Variants in EPHA6 observed in about 807,000 individuals in gnomAD.
The protein encoded by EPHA6 is EPH receptor A6.
EPHA6 carries 50 observed loss-of-function variants against 112.0 expected under a neutral mutation model. The ratio of observed to expected loss-of-function variants is 0.45; its 90% CI spans 0.36 to 0.56. EPHA6 has a LOEUF of 0.56. Among genes scored for constraint, EPHA6 ranks in the 20% least tolerant of loss-of-function variants. EPHA6 has a pLI of 0.00. For synonymous variants in EPHA6, 529 were observed against 490.7 expected (o/e 1.08, Z -1.03); for missense variants, 1,280 against 1,417.4 (o/e 0.90, Z 1.56).
intron 7 of EPHA6, among the ~76,000 whole-genome samples, chr3:97,460,961 C>A (rs1300955354): frequency 3.3e-5 from 5 of 152,114 alleles, no homozygotes; most frequent in South Asian, 4.1e-4. Flanking sequence ...AAGAGATATT[C>A]TGGTGCAGAG....
chr3:97,525,014 G>C (rs1209451273), intron 10 of EPHA6, among the ~76,000 whole-genome samples: 1 of 152,062 alleles, frequency 6.6e-6, no homozygotes, highest in East Asian at 1.9e-4. Context: ...GGTCCTTTGA[G>C]GTTCCTGAAT....
chr3:97,502,121 A>T (rs1398057044), intron 10 of EPHA6, among the ~76,000 whole-genome samples: 1 of 150,152 alleles, frequency 6.7e-6, no homozygotes, highest in African/African-American at 2.5e-5. Context: ...GCATGATAAC[A>T]TTGAGGCTGT....
At chr3:97,168,072 A>G (rs1260984301) in intron 3 of EPHA6, among the ~76,000 whole-genome samples, 1 of 152,168 alleles carries the variant, frequency 6.6e-6, no homozygotes, top group African/African-American at 2.4e-5. Context: ...AAGAAAGTAA[A>G]GATTATTAAT....
chr3:97,034,376 T>C lies in EPHA6; in HGVS notation c.1114+46383T>C, dbSNP rs16837839. ...GGGGAGAGTTTTACAATCTTTGCAATTATCAGTGCCATGGCTGTACATGAT... is the reference window on the plus strand; with the variant it reads ...GGGGAGAGTTTTACAATCTTTGCAACTATCAGTGCCATGGCTGTACATGAT... On this transcript the variant is annotated intron_variant, in intron 3 of 17. Coordinates refer to ENST00000389672, the MANE Select transcript of EPHA6 (RefSeq NM_001080448.3). Among the ~76,000 whole-genome samples, 993 of 151,994 alleles carry C rather than the reference T, an allele frequency of 6.5e-3. 5 individuals carry two copies. Among genetic ancestry groups the C allele is most frequent in the Admixed American group, 9.9e-3 (150 of 15,220 alleles).
At chr3:97,170,359 G>C (rs951737681) in intron 3 of EPHA6, among the ~76,000 whole-genome samples, 2 of 152,044 alleles carry the variant, frequency 1.3e-5, no homozygotes, top group Admixed American at 1.3e-4. Flanking sequence ...TTAATACCTG[G>C]GGCGTAATCT....
At chr3:96,924,797 G>A (rs2039950192) in intron 2 of EPHA6, among the ~76,000 whole-genome samples, 1 of 151,932 alleles carries the variant, frequency 6.6e-6, no homozygotes. Context: ...CTTATTATTT[G>A]CAATATGTTC....
chr3:96,963,467 G>C (rs1307465565), intron 2 of EPHA6, among the ~76,000 whole-genome samples: 1 of 152,030 alleles, frequency 6.6e-6, no homozygotes, highest in Non-Finnish European at 1.5e-5. Flanking sequence ...TTGTTACTGG[G>C]TCAACTGTCA....
At chr3:96,886,147 T>C (rs2037606575) in intron 2 of EPHA6, among the ~76,000 whole-genome samples, 1 of 152,222 alleles carries the variant, frequency 6.6e-6, no homozygotes, top group South Asian at 2.1e-4. Flanking sequence ...ATGTGTATTC[T>C]TCAGCTGTTG....
At chr3:97,487,496 C>T (rs765624913) in intron 10 of EPHA6, among the ~76,000 whole-genome samples, 9 of 152,184 alleles carry the variant, frequency 5.9e-5, no homozygotes, top group Non-Finnish European at 1.3e-4. Context: ...TCACTATGCT[C>T]ATTAGAGATA....
chr3:96,938,477 G>C (rs887261469), intron 2 of EPHA6, among the ~76,000 whole-genome samples: 1 of 152,148 alleles, frequency 6.6e-6, no homozygotes, highest in Non-Finnish European at 1.5e-5. Context: ...AGACTTTGCT[G>C]ATGTTGCTTG....
chr3:96,920,723 AT>A (rs1461837866), intron 2 of EPHA6, among the ~76,000 whole-genome samples: 2 of 151,968 alleles, frequency 1.3e-5, no homozygotes, highest in African/African-American at 4.8e-5. Flanking sequence ...GTCAATCGGT[AT>A]ATTTGTGTGT....
Position 97,665,806 on chromosome 3 carries a change from C to T in EPHA6, c.2784+27724C>T, listed in dbSNP as rs1381635707. Among the ~76,000 whole-genome samples the T allele has an allele frequency of 3.9e-5, 6 of 152,254 alleles. No individual in the cohort carries two copies. The East Asian group carries it at 1.2e-3, about 29-fold the overall frequency. On this transcript the variant is annotated intron_variant, in intron 14 of 17. Coordinates refer to ENST00000389672, the MANE Select transcript of EPHA6 (RefSeq NM_001080448.3). ...GGCGCGGTGGGTCACGCCTGTAATC[C>T]CGGCACTTTGGGAGGCCAAGGCGGG...
intron 1 of EPHA6, among the ~76,000 whole-genome samples, chr3:96,837,011 G>A (rs1028505665): frequency 6.6e-6 from 1 of 152,064 alleles, no homozygotes; most frequent in Admixed American, 6.6e-5. Flanking sequence ...GATAGGATGA[G>A]AACTTAAAAA....
At chr3:97,252,236 A>G (rs1576774102) in intron 5 of EPHA6, among the ~76,000 whole-genome samples, 1 of 152,232 alleles carries the variant, frequency 6.6e-6, no homozygotes, top group East Asian at 1.9e-4. Context: ...ATACTTGAGC[A>G]GAAAAATGAT....
intron 2 of EPHA6, among the ~76,000 whole-genome samples, chr3:96,868,246 G>A (rs1307994052): frequency 6.7e-6 from 1 of 150,354 alleles, no homozygotes; most frequent in Non-Finnish European, 1.5e-5. Flanking sequence ...ATGGATAGGT[G>A]GTATAAATAA....
chr3:97,327,826 GGT>G (rs201035871), intron 5 of EPHA6, among the ~76,000 whole-genome samples: 4 of 124,374 alleles, frequency 3.2e-5, no homozygotes, highest in African/African-American at 1.2e-4. Flanking sequence ...GATATTCCTT[GGT>G]GTGTGTGTGT....
At chr3:97,610,451 C>A (rs55918928) in intron 12 of EPHA6, among the ~76,000 whole-genome samples, 33 of 151,746 alleles carry the variant, frequency 2.2e-4, no homozygotes, top group African/African-American at 6.7e-4. Flanking sequence ...CTGCTTAAAT[C>A]CTGACTTCAG....
At chr3:97,401,395 G>C (rs1412047465) in intron 5 of EPHA6, among the ~76,000 whole-genome samples, 1 of 151,658 alleles carries the variant, frequency 6.6e-6, no homozygotes, top group East Asian at 1.9e-4. Context: ...TTTCTTCACT[G>C]TACAACCGTG....
intron 3 of EPHA6, among the ~76,000 whole-genome samples, chr3:97,149,442 G>GT (rs781442366): frequency 1.3e-5 from 2 of 152,016 alleles, no homozygotes; most frequent in Non-Finnish European, 2.9e-5. Context: ...TCATCTGTCA[G>GT]TTTGTCTGTC....
Sources: allele counts gnomAD v4.1 joint callset (sites outside exome capture counted in the v4.1 genomes callset), GRCh38; gene constraint gnomAD v4.1.1; transcripts MANE v1.5; gene names NCBI Gene and HGNC (gene_info 2026-07-23, HGNC 2026-07-21).